Variants in FBXO34 observed in about 807,000 individuals in gnomAD.
FBXO34 encodes the protein F-box only protein 34.
A neutral mutation model predicts 24.5 loss-of-function variants in FBXO34; 12 were observed. The observed-to-expected ratio is 0.49, with a 90% CI of 0.31 to 0.79. FBXO34 has a LOEUF of 0.79. FBXO34 is among the 30% of genes least tolerant of loss of function. The probability of loss-of-function intolerance (pLI) is 0.04; values close to 1 mark genes in which losing one functional copy is unlikely to be tolerated. For synonymous variants in FBXO34, 320 were observed against 311.9 expected (o/e 1.03, Z -0.27); for missense variants, 823 against 857.7 (o/e 0.96, Z 0.51).
At chr14:55,314,767 T>C (rs1433824418) in intron 1 of FBXO34, among the ~76,000 whole-genome samples, 1 of 152,248 alleles carries the variant, frequency 6.6e-6, no homozygotes, top group Admixed American at 6.5e-5. Flanking sequence ...TTATCACTAT[T>C]CTTATCCTTT....
chr14:55,384,029 G>A, the FBXO34 span, among the ~76,000 whole-genome samples: 1 of 152,196 alleles, frequency 6.6e-6, no homozygotes, highest in Non-Finnish European at 1.5e-5. Flanking sequence ...GTATAAGATA[G>A]CTGCTACTGC....
At chr14:55,289,182 C>T (rs1016620947) in intron 1 of FBXO34, among the ~76,000 whole-genome samples, 8 of 151,784 alleles carry the variant, frequency 5.3e-5, no homozygotes, top group Non-Finnish European at 1.0e-4. Flanking sequence ...TCTCTTTTTT[C>T]CCCCCTTTCC....
chr14:55,297,886 T>C (rs1882195264), intron 1 of FBXO34, among the ~76,000 whole-genome samples: 1 of 152,248 alleles, frequency 6.6e-6, no homozygotes, highest in African/African-American at 2.4e-5. Context: ...CATCTTAGGA[T>C]GTTAGGGAAG....
intron 1 of FBXO34, among the ~76,000 whole-genome samples, chr14:55,279,298 A>AG (rs1054763216): frequency 1.3e-5 from 2 of 151,752 alleles, no homozygotes; most frequent in Non-Finnish European, 2.9e-5. Flanking sequence ...AAAAAAAAAA[A>AG]AGGAAAAAAT....
intron 1 of FBXO34, among the ~76,000 whole-genome samples, chr14:55,277,767 GC>G (rs1472491635): frequency 6.6e-6 from 1 of 152,134 alleles, no homozygotes. Context: ...TCCAAGTCGT[GC>G]CTACATTTTT....
chr14:55,278,345 C>G (rs1311381869), intron 1 of FBXO34, among the ~76,000 whole-genome samples: 1 of 152,060 alleles, frequency 6.6e-6, no homozygotes, highest in African/African-American at 2.4e-5. Flanking sequence ...GGGTATTGTT[C>G]CAGTTTTCTG....
chr14:55,432,237 C>T, the FBXO34 span, among the ~76,000 whole-genome samples: 390 of 129,878 alleles, frequency 3.0e-3, no homozygotes, highest in African/African-American at 0.01. Flanking sequence ...GGGAAACCCC[C>T]GTCTCTACAA....
At chr14:55,392,789 T>C in the FBXO34 span, among the ~76,000 whole-genome samples, 18 of 152,170 alleles carry the variant, frequency 1.2e-4, no homozygotes, top group Admixed American at 3.9e-4. Flanking sequence ...AGTAGTCTGA[T>C]GGTAAGAGAC....
chr14:55,318,643 G>A (rs1280160827), intron 1 of FBXO34, among the ~76,000 whole-genome samples: 1 of 151,198 alleles, frequency 6.6e-6, no homozygotes, highest in Non-Finnish European at 1.5e-5. Flanking sequence ...GGGATTATAA[G>A]GCTGAGCTAC....
chr14:55,413,245 G>A, the FBXO34 span, among the ~76,000 whole-genome samples: 2 of 152,112 alleles, frequency 1.3e-5, no homozygotes, highest in African/African-American at 2.4e-5. Flanking sequence ...ATTCAGACAG[G>A]ATCCTTCACA....
At chr14:55,428,920 A>G in the FBXO34 span, 1 of 1,614,184 alleles carries the variant, frequency 6.2e-7, no homozygotes, top group Non-Finnish European at 8.5e-7. Flanking sequence ...CAGGGAACCC[A>G]AGCTTCTGCA....
the FBXO34 span, among the ~76,000 whole-genome samples, chr14:55,437,538 T>G: frequency 6.6e-6 from 1 of 152,348 alleles, no homozygotes; most frequent in South Asian, 2.1e-4. Flanking sequence ...TATTTTAAAA[T>G]GCAGAAAAAG....
chr14:55,386,942 C>T, the FBXO34 span, among the ~76,000 whole-genome samples: 1 of 152,272 alleles, frequency 6.6e-6, no homozygotes, highest in African/African-American at 2.4e-5. Flanking sequence ...TCTCCAGTTT[C>T]CCTACTTCAA....
rs367725096 is a variant in FBXO34 at position 55,331,132 on chromosome 14, G to A, written c.-10-19249G>A. 3.2e-4 allele frequency among the ~76,000 whole-genome samples: 49 copies of A among 152,250 alleles called. 1 individual carries two copies. The highest frequency in any genetic ancestry group is 1.2e-3 in the African/African-American group (49 of 41,526). ...GTGAAACAGAAGAAAATTCACCAAG[G>A]TTACAGATTGGGCTTCTATTATAAT... On this transcript the variant is annotated intron_variant, in intron 1 of 1. Transcript: ENST00000313833.
chr14:55,398,572 C>G, the FBXO34 span, among the ~76,000 whole-genome samples: 1 of 152,106 alleles, frequency 6.6e-6, no homozygotes, highest in South Asian at 2.1e-4. Context: ...ACAGGCTTTT[C>G]TAGGTAGCTT....
chr14:55,336,986 T>A (rs866172161), intron 1 of FBXO34, among the ~76,000 whole-genome samples: 2,640 of 149,850 alleles, frequency 0.018, 67 homozygotes, highest in African/African-American at 0.052. Flanking sequence ...TTTATTTTTT[T>A]TTTTTTTTTG....
chr14:55,432,245 CA>C, the FBXO34 span, among the ~76,000 whole-genome samples: 29,609 of 121,886 alleles, frequency 0.24, 5,564 homozygotes, highest in African/African-American at 0.58. Context: ...CCCGTCTCTA[CA>C]AAAAAAAAAA....
chr14:55,299,235 AC>A (rs1882255248), intron 1 of FBXO34: 2 of 851,064 alleles, frequency 2.3e-6, no homozygotes, highest in Non-Finnish European at 4.1e-6. Flanking sequence ...GAGGAAGACG[AC>A]GACATGAAGG....
At chr14:55,291,948 AAAGT>A (rs1191637087) in intron 1 of FBXO34, among the ~76,000 whole-genome samples, 4 of 152,178 alleles carry the variant, frequency 2.6e-5, no homozygotes, top group African/African-American at 7.2e-5. Context: ...CCTGCGTGAC[AAAGT>A]AAGACCTCAT....
Sources: allele counts gnomAD v4.1 joint callset (sites outside exome capture counted in the v4.1 genomes callset), GRCh38; gene constraint gnomAD v4.1.1; transcripts MANE v1.5; gene names NCBI Gene and HGNC (gene_info 2026-07-23, HGNC 2026-07-21).